Variants in SLC25A48 observed in about 807,000 individuals in gnomAD.
SLC25A48 encodes the protein CTC-321K16.1.
In SLC25A48, 29 loss-of-function variants were observed where a neutral mutation model predicts 32.2. The ratio of observed to expected loss-of-function variants is 0.90; its 90% CI spans 0.67 to 1.23. The LOEUF is 1.23. Among genes scored for constraint, SLC25A48 ranks in the 50% most tolerant of loss-of-function variants. The pLI is 0.00. For missense variants in SLC25A48, 399 were observed against 422.7 expected (o/e 0.94, Z 0.49); for synonymous variants, 164 against 172.3 (o/e 0.95, Z 0.38).
intron 1 of SLC25A48, among the ~76,000 whole-genome samples, chr5:135,592,506 T>C (rs1452808830): frequency 6.6e-6 from 1 of 152,186 alleles, no homozygotes; most frequent in Non-Finnish European, 1.5e-5. Context: ...CACACCATTA[T>C]AGAGAAGGGC....
intron 1 of SLC25A48, among the ~76,000 whole-genome samples, chr5:135,595,292 C>G (rs920244539): frequency 6.6e-6 from 1 of 152,238 alleles, no homozygotes; most frequent in African/African-American, 2.4e-5. Flanking sequence ...TGGGCATTGC[C>G]ATTCCCACTG....
chr5:135,846,459 G>A (rs1194652680), intron 2 of SLC25A48, among the ~76,000 whole-genome samples: 1 of 152,194 alleles, frequency 6.6e-6, no homozygotes, highest in African/African-American at 2.4e-5. Flanking sequence ...CTTGGCCCAG[G>A]ACAGCCAGGG....
chr5:135,599,036 T>G (rs1751725181), intron 1 of SLC25A48, among the ~76,000 whole-genome samples: 1 of 151,850 alleles, frequency 6.6e-6, no homozygotes, highest in Non-Finnish European at 1.5e-5. Context: ...TGACCTCCCT[T>G]CTCGTCATGG....
chr5:135,852,312 A>C (rs1311978648), intron 3 of SLC25A48, among the ~76,000 whole-genome samples: 9 of 152,144 alleles, frequency 5.9e-5, no homozygotes, highest in African/African-American at 2.2e-4. Context: ...CATGCATGGC[A>C]TGTGTGGGTT....
chr5:135,829,375 A>G (rs960678603), intron 4 of SLC25A48, among the ~76,000 whole-genome samples: 1 of 152,152 alleles, frequency 6.6e-6, no homozygotes, highest in Non-Finnish European at 1.5e-5. Context: ...GGCGGACAGC[A>G]GCATTTCCTA....
chr5:135,710,733 T>A (rs915456201), intron 3 of SLC25A48, among the ~76,000 whole-genome samples: 1 of 152,242 alleles, frequency 6.6e-6, no homozygotes, highest in Non-Finnish European at 1.5e-5. Context: ...TGTGACTTCC[T>A]GGGAAGAAGG....
chr5:135,717,586 A>G (rs1467399064), intron 3 of SLC25A48, among the ~76,000 whole-genome samples: 1 of 152,230 alleles, frequency 6.6e-6, no homozygotes, highest in African/African-American at 2.4e-5. Context: ...TCCTTTTATT[A>G]GAGAAAGGAG....
At chr5:135,820,304 C>A (rs899236688) in intron 4 of SLC25A48, among the ~76,000 whole-genome samples, 1 of 152,146 alleles carries the variant, frequency 6.6e-6, no homozygotes, top group African/African-American at 2.4e-5. Context: ...TCACTAGGCA[C>A]AAAAGAACAT....
intron 4 of SLC25A48, among the ~76,000 whole-genome samples, chr5:135,828,153 T>C (rs1402361950): frequency 6.6e-6 from 1 of 152,212 alleles, no homozygotes; most frequent in Non-Finnish European, 1.5e-5. Context: ...AGGGAGTAGT[T>C]TGCAGGAAAG....
intron 4 of SLC25A48, among the ~76,000 whole-genome samples, chr5:135,858,314 G>A (rs561649281): frequency 8.5e-5 from 13 of 152,266 alleles, no homozygotes; most frequent in South Asian, 2.1e-4. Flanking sequence ...TGGGCTCATC[G>A]GCTTAGCACA....
chr5:135,770,172 G>A (rs1450931465), intron 3 of SLC25A48, among the ~76,000 whole-genome samples: 1 of 151,464 alleles, frequency 6.6e-6, no homozygotes, highest in African/African-American at 2.4e-5. Flanking sequence ...GAAAAGAAGT[G>A]GATGATATTA....
intron 3 of SLC25A48, among the ~76,000 whole-genome samples, chr5:135,656,721 A>G (rs1242665865): frequency 6.6e-6 from 1 of 152,098 alleles, no homozygotes; most frequent in South Asian, 2.1e-4. Flanking sequence ...AGAAGAGTAG[A>G]AGAGATATGC....
chr5:135,663,461 A>G (rs1037163042), intron 3 of SLC25A48, among the ~76,000 whole-genome samples: 10 of 152,326 alleles, frequency 6.6e-5, no homozygotes, highest in South Asian at 6.2e-4. Flanking sequence ...CAAAGGTCCA[A>G]CCCCTGGGGG....
intron 1 of SLC25A48, among the ~76,000 whole-genome samples, chr5:135,584,421 G>A (rs150554837): frequency 9.1e-4 from 138 of 152,374 alleles, no homozygotes; most frequent in South Asian, 2.7e-3. Context: ...GAAAAGCACA[G>A]CAGTGCTGCA....
chr5:135,752,636 T>C (rs1755796768), intron 3 of SLC25A48, among the ~76,000 whole-genome samples: 1 of 152,214 alleles, frequency 6.6e-6, no homozygotes, highest in Non-Finnish European at 1.5e-5. Context: ...CACAGTGTGA[T>C]ATTAGGAGTA....
At chr5:135,844,897 G>C (rs539626389) in intron 2 of SLC25A48, among the ~76,000 whole-genome samples, 1 of 152,236 alleles carries the variant, frequency 6.6e-6, no homozygotes, top group Non-Finnish European at 1.5e-5. Context: ...CTAGCATCTC[G>C]GCAAGGAAAA....
intron 7 of SLC25A48, among the ~76,000 whole-genome samples, chr5:135,886,681 A>T (rs1214730455): frequency 0.037 from 4,667 of 125,076 alleles, 519 homozygotes; most frequent in African/African-American, 0.15. Context: ...TGTGAGAGAG[A>T]GAGAGAGAGA....
chr5:135,874,547 G>C (rs954493437), intron 6 of SLC25A48: 39 of 571,620 alleles, frequency 6.8e-5, no homozygotes, highest in Non-Finnish European at 1.1e-4. Context: ...AAGTGCCAGA[G>C]CTGCCTTGCC....
upstream of SLC25A48, among the ~76,000 whole-genome samples, chr5:135,833,131 T>C (rs1226715078): frequency 6.6e-6 from 1 of 152,196 alleles, no homozygotes; most frequent in African/African-American, 2.4e-5. Flanking sequence ...CTCACTTCCC[T>C]GGGTGATGCG....
Sources: allele counts gnomAD v4.1 joint callset (sites outside exome capture counted in the v4.1 genomes callset), GRCh38; gene constraint gnomAD v4.1.1; transcripts MANE v1.5; gene names NCBI Gene and HGNC (gene_info 2026-07-23, HGNC 2026-07-21).